Variants in VPS35L observed in about 807,000 individuals in gnomAD.
The protein encoded by VPS35L is VPS35 endosomal protein sorting factor like.
In VPS35L, 83 loss-of-function variants were observed where a neutral mutation model predicts 133.0. The ratio of observed to expected loss-of-function variants is 0.62; its 90% CI spans 0.52 to 0.75. The LOEUF is 0.75. Ranked by LOEUF, VPS35L falls within the 30% of genes least tolerant of loss-of-function variation. The probability of loss-of-function intolerance (pLI) is 0.00; values close to 1 mark genes in which losing one functional copy is unlikely to be tolerated. For synonymous variants in VPS35L, 423 were observed against 449.9 expected (o/e 0.94, Z 0.76); for missense variants, 1,083 against 1,206.8 (o/e 0.90, Z 1.52).
Position 19,691,484 on chromosome 16 carries a change from T to C in VPS35L, c.2646+13T>C, listed in dbSNP as rs756217079. ...GGCCAAGGACGAGGTGGGTGCCCTC[T>C]GCTGTCCTCCACCCGCCCCTTGCTC... On this transcript the variant is annotated intron_variant, in intron 29 of 30. Coordinates refer to ENST00000417362, the MANE Select transcript of VPS35L (RefSeq NM_020314.7). The C allele has an allele frequency of 6.3e-6, 10 of 1,596,108 alleles. No individual in the cohort carries two copies. The East Asian group carries it at 2.2e-4, about 36-fold the overall frequency.
chr16:19,693,292 G>A lies in VPS35L; in HGVS notation c.2646+1821G>A, dbSNP rs117498769. 4.8e-3 allele frequency among the ~76,000 whole-genome samples: 728 copies of A among 152,148 alleles called. 4 individuals carry two copies. Among genetic ancestry groups the A allele is most frequent in the Non-Finnish European group, 6.5e-3 (445 of 67,996 alleles). On this transcript the variant is annotated intron_variant, in intron 29 of 30. Transcript: ENST00000417362. The stretch of plus-strand genomic sequence containing the variant: ...GTATGTGGATGTGTGTGTTGCGGGG[G>A]GGCAGGGGAGGGCAATGAAGAGAGG...
intron 27 of VPS35L, among the ~76,000 whole-genome samples, chr16:19,677,832 G>A (rs1446306570): frequency 6.6e-6 from 1 of 152,080 alleles, no homozygotes; most frequent in Non-Finnish European, 1.5e-5. Context: ...AAGAACATAC[G>A]AGCTCACCTG....
intron 10 of VPS35L, 92 bp downstream of exon 10, chr16:19,608,366 C>T: frequency 1.0e-6 from 1 of 989,086 alleles, no homozygotes; most frequent in Non-Finnish European, 1.6e-6. Flanking sequence ...GATGCCCTGA[C>T]ATTCTTATTG....
intron 22 of VPS35L, 95 bp from the exon 23 acceptor site, chr16:19,644,791 C>T (rs1973886114): frequency 1.2e-6 from 1 of 823,524 alleles, no homozygotes; most frequent in Non-Finnish European, 1.9e-6. Flanking sequence ...GCAAAATGTT[C>T]TTACCTGTTA....
chr16:19,655,232 A>C (rs1038518108), intron 26 of VPS35L, among the ~76,000 whole-genome samples: 1 of 152,198 alleles, frequency 6.6e-6, no homozygotes, highest in Non-Finnish European at 1.5e-5. Flanking sequence ...AGTCCACTTC[A>C]TGTTTAATAA....
At chr16:19,576,497 A>G (rs1378752399) in intron 5 of VPS35L, among the ~76,000 whole-genome samples, 3 of 152,164 alleles carry the variant, frequency 2.0e-5, no homozygotes, top group Non-Finnish European at 4.4e-5. Context: ...ATGAATATAG[A>G]TGCCTGGCCC....
intron 27 of VPS35L, among the ~76,000 whole-genome samples, chr16:19,673,561 G>A (rs1974947656): frequency 1.0e-5 from 1 of 95,238 alleles, no homozygotes; most frequent in Non-Finnish European, 2.8e-5. Context: ...TTTATTCCTT[G>A]AACAGATTTA....
chr16:19,566,866 CA>C (rs1311647481), intron 2 of VPS35L, among the ~76,000 whole-genome samples: 1 of 152,120 alleles, frequency 6.6e-6, no homozygotes, highest in African/African-American at 2.4e-5. Context: ...TCTCCTGCTT[CA>C]GCCTCCTGAG....
chr16:19,677,611 A>G (rs1975109278), intron 27 of VPS35L, among the ~76,000 whole-genome samples: 1 of 152,100 alleles, frequency 6.6e-6, no homozygotes, highest in Admixed American at 6.6e-5. Flanking sequence ...CTCCAGAGGG[A>G]CTGGAGGAGA....
chr16:19,679,468 ATTATTTATTTATTTAT>A (rs139152185), intron 27 of VPS35L, among the ~76,000 whole-genome samples: 9,252 of 123,072 alleles, frequency 0.075, 631 homozygotes, highest in African/African-American at 0.19. Flanking sequence ...GTTAAGAACA[ATTATTTATTTATTTAT>A]TTATTTATTT....
chr16:19,682,321 A>T lies in VPS35L; in HGVS notation c.2458A>T (p.Ile820Phe). ...WEDNSDEKIR[I>F]YTCVLHLLSA... ...GGACAACAGCGATGAGAAAATCCGC[A>T]TCTACACCTGCGTCCTGCATCTCCT... Residue 820 changes from isoleucine (I) to phenylalanine (F), a missense_variant, in exon 28 of 31, where the codon ATC becomes TTC. By Grantham distance (21) the Ile-to-Phe change is conservative (BLOSUM62 0). Coordinates refer to ENST00000417362, the MANE Select transcript of VPS35L (RefSeq NM_020314.7). The T allele has an allele frequency of 6.2e-7, 1 of 1,614,140 alleles. No homozygotes were observed. The highest frequency in any genetic ancestry group is 8.5e-7 in the Non-Finnish European group (1 of 1,180,018).
In VPS35L at chr16:19,608,975, T is replaced by TA. The variant is rs1358315783; in HGVS notation, c.884dup (p.Tyr295Ter). ...TTCCTTAACAGGATGTTTTTGTAGT[T>TA]ACGTGGAGGCATCCATCCTGAAATG... ...ASIRELIPRF[Y>*]VEASILKCNK... Residue 295 changes from tyrosine to a stop codon, truncating the protein, a stop_gained and frameshift_variant and splice_region_variant, in exon 11 of 31, where the codon TAC becomes TAAC. Transcript: ENST00000417362. LOFTEE classifies it high-confidence loss of function. The TA allele has an allele frequency of 6.2e-7, 1 of 1,613,802 alleles. No individual in the cohort carries two copies. Among genetic ancestry groups the TA allele is most frequent in the East Asian group, 2.2e-5 (1 of 44,876 alleles).
At chr16:19,625,961 A>T (rs1315728170) in intron 14 of VPS35L, among the ~76,000 whole-genome samples, 2 of 152,132 alleles carry the variant, frequency 1.3e-5, no homozygotes, top group East Asian at 1.9e-4. Context: ...GGTGCGAGCC[A>T]CTGTACCCGG....
intron 14 of VPS35L, among the ~76,000 whole-genome samples, chr16:19,624,107 CTTTTTTTTT>C (rs1182015325): frequency 0.014 from 927 of 65,868 alleles, 14 homozygotes; most frequent in South Asian, 0.058. Flanking sequence ...CCTACCAGGT[CTTTTTTTTT>C]TTTTTTTTTT....
intron 7 of VPS35L, among the ~76,000 whole-genome samples, chr16:19,587,797 CTTTT>C (rs775544331): frequency 8.4e-6 from 1 of 118,956 alleles, no homozygotes; most frequent in African/African-American, 3.6e-5. Context: ...TCCACATTGT[CTTTT>C]TTTTTTTTTT....
chr16:19,621,500 G>C (rs1567430754), intron 14 of VPS35L, among the ~76,000 whole-genome samples: 1 of 152,222 alleles, frequency 6.6e-6, no homozygotes, highest in Non-Finnish European at 1.5e-5. Context: ...AGCACACCAA[G>C]CAAATGCCTG....
At chr16:19,636,634 T>A (rs1973630632) in intron 19 of VPS35L, among the ~76,000 whole-genome samples, 1 of 152,236 alleles carries the variant, frequency 6.6e-6, no homozygotes, top group African/African-American at 2.4e-5. Flanking sequence ...AATGGGCACA[T>A]AACGTTCTTC....
chr16:19,654,513 CGCACCACTTGA>C (rs1163825343), intron 26 of VPS35L, among the ~76,000 whole-genome samples: 1 of 149,014 alleles, frequency 6.7e-6, no homozygotes, highest in Non-Finnish European at 1.5e-5. Flanking sequence ...GAGCCGAGAT[CGCACCACTTGA>C]GCAACAGAGC....
intron 1 of VPS35L, among the ~76,000 whole-genome samples, chr16:19,564,373 C>T (rs900916718): frequency 2.0e-5 from 3 of 151,944 alleles, no homozygotes; most frequent in Non-Finnish European, 2.9e-5. Flanking sequence ...CCACTGCATC[C>T]GGCCAAACAG....
Sources: gnomAD v4.1 joint callset for allele counts (sites outside exome capture counted in the v4.1 genomes callset) on GRCh38, gnomAD v4.1.1 for gene constraint, MANE v1.5 for transcripts, NCBI Gene and HGNC (gene_info 2026-07-23, HGNC 2026-07-21) for gene names.